Variants in GRID2IP observed in about 807,000 individuals in gnomAD.
The protein encoded by GRID2IP is Grid2 interacting protein, also known as delphilin.
In GRID2IP, 78 loss-of-function variants were observed where a neutral mutation model predicts 114.3. The observed-to-expected ratio is 0.68, with a 90% confidence interval of 0.57 to 0.82. The LOEUF is 0.82. Ranked by LOEUF, GRID2IP falls within the 40% of genes least tolerant of loss-of-function variation. The pLI, the probability that GRID2IP is intolerant of heterozygous loss-of-function variation, is 0.00. For missense variants in GRID2IP, 1,727 were observed against 1,678.5 expected (o/e 1.03, Z -0.51); for synonymous variants, 809 against 724.0 (o/e 1.12, Z -1.89).
At position 6,521,331 on chromosome 7, in the gene GRID2IP, G is replaced by A. The variant is rs909557298; in HGVS notation, c.1084+98C>T. The A allele has an allele frequency of 1.2e-6, 1 of 817,050 alleles. No individual in the cohort carries two copies. The highest frequency in any genetic ancestry group is 1.9e-6 in the Non-Finnish European group (1 of 530,184). The allele number at this position is 817,050 out of a possible 1,614,324, so 50.6% of individuals were successfully genotyped here. Reference sequence around the variant, plus strand: ...CCCGGGGAGGCAAGCTGCAGGTTTAGGGGAAGAGCTGAGTCCTCCGCACTG... The same window carrying A: ...CCCGGGGAGGCAAGCTGCAGGTTTAAGGGAAGAGCTGAGTCCTCCGCACTG... On this transcript the variant is annotated intron_variant, in intron 6 of 21. Transcript: ENST00000457091. The surrounding 1 kb of genome is among the most constrained non-coding windows in gnomAD (Gnocchi z 4.1).
chr7:6,514,417 GAC>G lies in GRID2IP; in HGVS notation c.1379_1380del (p.Cys460SerfsTer20). The G allele has an allele frequency of 1.3e-6, 2 of 1,547,092 alleles. No homozygotes were observed. The highest frequency in any genetic ancestry group is 1.7e-6 in the Non-Finnish European group (2 of 1,144,344). On this transcript the variant is annotated frameshift_variant, in exon 8 of 22. Transcript: ENST00000457091. LOFTEE classifies it high-confidence loss of function. ...CCCAGGAAGCATGCGATTTTCTCCT[GAC>G]AGAGCTCCTGCTCCTCATAGGTCAG... ...QLLTYEEQEL[C>X]QEKIACFLGY...
chr7:6,522,807 A>ATGTGTGTGTGTGTGTGTGTGTGTGTGTG (rs72277817), intron 4 of GRID2IP, among the ~76,000 whole-genome samples: 2 of 147,574 alleles, frequency 1.4e-5, no homozygotes, highest in Non-Finnish European at 3.0e-5. Context: ...CCTGGCTAAT[A>ATGTGTGTGTGTGTGTGTGTGTGTGTGTG]TGTGTGTGTG....
rs1303651999 is a variant in GRID2IP, at chr7:6,507,968, G to A, written c.2544+17C>T. On this transcript the variant is annotated intron_variant, in intron 13 of 21. Transcript: ENST00000457091. This position sits in a 1 kb window ranked among gnomAD's most constrained non-coding sequence, Gnocchi z 5.3. ...CCTCCCCCAGTACAGAGCGCTGCTG[G>A]GTCCCAGGTCACCTACCTGACCCCA... The A allele has an allele frequency of 6.5e-7, 1 of 1,549,706 alleles. No homozygotes were observed. Among genetic ancestry groups the A allele is most frequent in the South Asian group, 1.2e-5 (1 of 84,008 alleles).
At chr7:6,544,665 A>T (rs1320443936) in intron 1 of GRID2IP, among the ~76,000 whole-genome samples, 1 of 152,164 alleles carries the variant, frequency 6.6e-6, no homozygotes, top group Non-Finnish European at 1.5e-5. Flanking sequence ...ATAAATAAAT[A>T]ACAAGCTGGG....
At chr7:6,511,575 G>A (rs1463929392) in intron 8 of GRID2IP, among the ~76,000 whole-genome samples, 2 of 152,150 alleles carry the variant, frequency 1.3e-5, no homozygotes, top group Admixed American at 6.5e-5. Context: ...GTTTCAACAT[G>A]TGGGCTAGGC....
At chr7:6,504,916 G>T (rs1441891598) in intron 14 of GRID2IP, 46 bp from the exon 15 acceptor site, 3 of 1,498,204 alleles carry the variant, frequency 2.0e-6, no homozygotes, top group East Asian at 4.9e-5. Context: ...GGCTGAGGCT[G>T]CAGTGGGAAG....
Position 6,526,208 on chromosome 7 carries a change from C to G in GRID2IP, c.919+16G>C, listed in dbSNP as rs1482054500. ...TGGGCCTTAGGGACTCTTAGGGCAACCGGCCCACCCCTCACCAGGCAGGAC... is the reference window on the plus strand; with the variant it reads ...TGGGCCTTAGGGACTCTTAGGGCAAGCGGCCCACCCCTCACCAGGCAGGAC... On this transcript the variant is annotated intron_variant, in intron 4 of 21. Coordinates refer to ENST00000457091, the MANE Select transcript of GRID2IP (RefSeq NM_001145118.2). This position sits in a 1 kb window ranked among gnomAD's most constrained non-coding sequence, Gnocchi z 7.6. 6.5e-7 allele frequency: 1 copy of G among 1,549,998 alleles called. No homozygotes were observed. Among genetic ancestry groups the G allele is most frequent in the Admixed American group, 2.0e-5 (1 of 50,980 alleles).
rs1258839694 is a variant in GRID2IP at position 6,526,647 on chromosome 7, T to G, written c.707A>C (p.Glu236Ala). The G allele has an allele frequency of 3.4e-5, 47 of 1,394,344 alleles. No individual in the cohort carries two copies. The highest frequency in any genetic ancestry group is 4.2e-5 in the Non-Finnish European group (45 of 1,075,360). 86.4% of individuals were successfully genotyped at this position (1,394,344 alleles called of 1,614,324 possible). A position where few individuals can be genotyped will look rare whatever the true frequency, so the allele number is the denominator to read the frequency against. The change falls in exon 3 of 22, where the codon GAG becomes GCG. Residue 236 changes from glutamate (E) to alanine (A), a missense_variant. By Grantham distance (107) the Glu-to-Ala change is moderately radical. Coordinates refer to ENST00000457091, the MANE Select transcript of GRID2IP (RefSeq NM_001145118.2). The surrounding 1 kb of genome is among the most constrained non-coding windows in gnomAD (Gnocchi z 7.6). ...CACCAGGAGGCGCTCCGGCCGCTCC[T>G]CGCTGCGGCTCCGGCGCAGTCGCTG... ...GAQRLRRSRS[E>A]ERPERLLVST...
At chr7:6,505,790 G>C (rs551325374) in intron 14 of GRID2IP, 30 bp downstream of exon 14, 1 of 1,444,738 alleles carries the variant, frequency 6.9e-7, no homozygotes, top group East Asian at 2.5e-5. Flanking sequence ...GTGGTATCTG[G>C]GGTTCCCCCA....
In GRID2IP at chr7:6,526,684, C is replaced by T. The variant is rs1306006081; in HGVS notation, c.670G>A (p.Ala224Thr). ...LLGKLCRARR[A>T]QGAQRLRRSR... ...CGGCGCAGTCGCTGCGCGCCCTGGG[C>T]CCGGCGTGCGCGGCACAGCTTGCCC... Residue 224 changes from alanine (A) to threonine (T), a missense_variant, in exon 3 of 22, where the codon GCC becomes ACC. Coordinates refer to ENST00000457091, the MANE Select transcript of GRID2IP (RefSeq NM_001145118.2). The surrounding 1 kb of genome is among the most constrained non-coding windows in gnomAD (Gnocchi z 7.6). The T allele has an allele frequency of 2.0e-6, 3 of 1,484,604 alleles. No individual in the cohort carries two copies. The highest frequency in any genetic ancestry group is 2.7e-6 in the Non-Finnish European group (3 of 1,119,682). 92.0% of individuals were successfully genotyped at this position (1,484,604 alleles called of 1,614,324 possible).
chr7:6,526,776 G>A lies in GRID2IP; in HGVS notation c.585-7C>T. On this transcript the variant is annotated splice_region_variant and splice_polypyrimidine_tract_variant and intron_variant, in intron 2 of 21. Coordinates refer to ENST00000457091, the MANE Select transcript of GRID2IP (RefSeq NM_001145118.2). The surrounding 1 kb of genome is among the most constrained non-coding windows in gnomAD (Gnocchi z 7.6). ...CTTCTTGGGGATGAAGATCCTGCCG[G>A]CGAGGACGGCGGAGTCGGGGCGCGT... The A allele has an allele frequency of 1.3e-6, 2 of 1,509,688 alleles. No homozygotes were observed. The highest frequency in any genetic ancestry group is 2.4e-5 in the South Asian group (2 of 82,198). The allele number at this position is 1,509,688 out of a possible 1,614,324, so 93.5% of individuals were successfully genotyped here.
chr7:6,542,130 C>G (rs371646636), intron 1 of GRID2IP, among the ~76,000 whole-genome samples: 1 of 151,738 alleles, frequency 6.6e-6, no homozygotes, highest in Non-Finnish European at 1.5e-5. Flanking sequence ...GGTGAAACCC[C>G]GTCTCTACTA....
rs903298965 is a variant in GRID2IP at position 6,501,816 on chromosome 7, G to A, written c.3364C>T (p.Pro1122Ser). 6.4e-7 allele frequency: 1 copy of A among 1,551,272 alleles called. No homozygotes were observed. The highest frequency in any genetic ancestry group is 1.4e-5 in the African/African-American group (1 of 73,062). Reference sequence around the variant, plus strand: ...ATTGCAAACTTGTCCTCGCTAGAGGGGGAAATGCTCTGGCAGGCATCCTGT... The same window carrying A: ...ATTGCAAACTTGTCCTCGCTAGAGGAGGAAATGCTCTGGCAGGCATCCTGT... ...EIQDACQSIS[P>S]SSEDKFAMVM... The change falls in exon 20 of 22, where the codon CCC becomes TCC. Residue 1122 changes from proline to serine, a missense_variant. Pro to Ser is a moderately conservative substitution (Grantham distance 74). Transcript: ENST00000457091.
At position 6,523,314 on chromosome 7, in the gene GRID2IP, T is replaced by C. The variant is rs889293837; in HGVS notation, c.920-1357A>G. 6.6e-6 allele frequency among the ~76,000 whole-genome samples: 1 copy of C among 150,826 alleles called. No homozygotes were observed. The highest frequency in any genetic ancestry group is 2.4e-5 in the African/African-American group (1 of 40,916). On this transcript the variant is annotated intron_variant, in intron 4 of 21. Coordinates refer to ENST00000457091, the MANE Select transcript of GRID2IP (RefSeq NM_001145118.2). The surrounding 1 kb of genome is among the most constrained non-coding windows in gnomAD (Gnocchi z 4.5). ...TTTCCCTGGACCAAAAAGGAGAGAG[T>C]GATGGTGGTGGCGAATCCAATCTGG...
rs1779728717 is a variant in GRID2IP at position 6,536,645 on chromosome 7, C to T, written c.584+3073G>A. Among the ~76,000 whole-genome samples, 1 of 151,952 alleles carries T rather than the reference C, an allele frequency of 6.6e-6. No homozygotes were observed. ...CCAACTTCCTGGGGGACAGCTGGGC[C>T]GCCTGCGCCCCGCTGGCCCATCCCT... On this transcript the variant is annotated intron_variant, in intron 2 of 21. Transcript: ENST00000457091. The surrounding 1 kb of genome is among the most constrained non-coding windows in gnomAD (Gnocchi z 5.3).
In GRID2IP at chr7:6,536,593, GC is replaced by G. The variant is rs1269464653; in HGVS notation, c.584+3124del. On this transcript the variant is annotated intron_variant, in intron 2 of 21. Coordinates refer to ENST00000457091, the MANE Select transcript of GRID2IP (RefSeq NM_001145118.2). This position sits in a 1 kb window ranked among gnomAD's most constrained non-coding sequence, Gnocchi z 5.3. ...CCGAGAGGGCCTCCAGCCGAGCCCG[GC>G]TGCCAGCAGCCGGGAGACGAGCGAG... Among the ~76,000 whole-genome samples, 1 of 151,814 alleles carries G rather than the reference GC, an allele frequency of 6.6e-6. No homozygotes were observed. Among genetic ancestry groups the G allele is most frequent in the Non-Finnish European group, 1.5e-5 (1 of 67,898 alleles).
At chr7:6,511,925 T>G (rs1283464687) in intron 8 of GRID2IP, among the ~76,000 whole-genome samples, 2 of 151,720 alleles carry the variant, frequency 1.3e-5, no homozygotes, top group Non-Finnish European at 2.9e-5. Context: ...CTCTCTTTAT[T>G]TATTCAGAGT....
At chr7:6,501,752 G>C (rs937584429) in intron 20 of GRID2IP, 29 bp downstream of exon 20, 7 of 1,498,500 alleles carry the variant, frequency 4.7e-6, no homozygotes, top group African/African-American at 4.2e-5. Context: ...GATCCAGCCT[G>C]GTGCAGGAAC....
intron 20 of GRID2IP, among the ~76,000 whole-genome samples, chr7:6,498,598 G>C (rs1227221742): frequency 5.0e-5 from 1 of 20,060 alleles, no homozygotes; most frequent in Non-Finnish European, 8.9e-5. Flanking sequence ...TTTTTTTTTT[G>C]AGACAGGGTC....
Sources: gnomAD v4.1 joint callset for allele counts (sites outside exome capture counted in the v4.1 genomes callset) on GRCh38, gnomAD v4.1.1 for gene constraint, Gnocchi (gnomAD v3.1) non-coding constraint, MANE v1.5 for transcripts, NCBI Gene and HGNC (gene_info 2026-07-23, HGNC 2026-07-21) for gene names.